PPP2R3A: variants seen among roughly 807,000 people sequenced by gnomAD.
PPP2R3A encodes serine/threonine-protein phosphatase 2A regulatory subunit B'' subunit alpha.
Under a neutral mutation model 106.9 loss-of-function variants are expected in PPP2R3A, and 80 were observed. The ratio of observed to expected loss-of-function variants is 0.75; its 90% CI spans 0.62 to 0.90. The LOEUF (loss-of-function observed/expected upper bound fraction) is 0.90. Ranked by LOEUF, PPP2R3A falls within the 40% of genes least tolerant of loss-of-function variation. The pLI is 0.00. For missense variants in PPP2R3A, 1,386 were observed against 1,350.4 expected (o/e 1.03, Z -0.41); for synonymous variants, 483 against 468.3 (o/e 1.03, Z -0.41).
intron 5 of PPP2R3A, among the ~76,000 whole-genome samples, chr3:136,053,544 T>C (rs1464134986): frequency 6.6e-6 from 1 of 152,134 alleles, no homozygotes; most frequent in East Asian, 1.9e-4. Flanking sequence ...TCACTGAAGG[T>C]CGGTATACAC....
At chr3:136,129,907 C>T (rs1186326538) in intron 13 of PPP2R3A, among the ~76,000 whole-genome samples, 1 of 152,190 alleles carries the variant, frequency 6.6e-6, no homozygotes, top group Non-Finnish European at 1.5e-5. Flanking sequence ...GAACCAATGA[C>T]AAAAACCACA....
At chr3:135,977,688 CTTTTTTTTT>C (rs66592538) in intron 1 of PPP2R3A, among the ~76,000 whole-genome samples, 4 of 61,098 alleles carry the variant, frequency 6.5e-5, no homozygotes, top group Non-Finnish European at 8.8e-5. Flanking sequence ...GATCAGCATT[CTTTTTTTTT>C]TTTTTTTTTT....
chr3:136,131,989 A>T (rs1295611690), intron 13 of PPP2R3A, among the ~76,000 whole-genome samples: 1 of 139,042 alleles, frequency 7.2e-6, no homozygotes, highest in Non-Finnish European at 1.5e-5. Flanking sequence ...AGGGCGGGGA[A>T]CATCACACAC....
intron 13 of PPP2R3A, among the ~76,000 whole-genome samples, chr3:136,127,552 C>A (rs1347324531): frequency 6.6e-6 from 1 of 152,054 alleles, no homozygotes; most frequent in African/African-American, 2.4e-5. Context: ...GTACCTGAAA[C>A]TGATGGGGAG....
chr3:136,052,640 TA>T (rs1935721760), intron 5 of PPP2R3A, among the ~76,000 whole-genome samples: 1 of 152,198 alleles, frequency 6.6e-6, no homozygotes, highest in Non-Finnish European at 1.5e-5. Flanking sequence ...AGAGCTTTAA[TA>T]AAAGCTTTGA....
chr3:135,994,158 T>C (rs1933289239), intron 1 of PPP2R3A, among the ~76,000 whole-genome samples: 1 of 152,204 alleles, frequency 6.6e-6, no homozygotes, highest in Non-Finnish European at 1.5e-5. Context: ...GTTTGTCAAT[T>C]AGTGGGCTTC....
At chr3:136,108,056 T>C (rs1559924880) in intron 13 of PPP2R3A, among the ~76,000 whole-genome samples, 1 of 152,074 alleles carries the variant, frequency 6.6e-6, no homozygotes, top group Non-Finnish European at 1.5e-5. Context: ...CTACAAAAAA[T>C]ACAAAAGTTA....
At chr3:136,047,583 TA>T (rs1309439802) in intron 4 of PPP2R3A, among the ~76,000 whole-genome samples, 2 of 152,138 alleles carry the variant, frequency 1.3e-5, no homozygotes, top group Non-Finnish European at 2.9e-5. Context: ...AAGTGGGAGC[TA>T]AACATCAAGT....
At chr3:135,986,989 T>A (rs575050707) in intron 1 of PPP2R3A, among the ~76,000 whole-genome samples, 1 of 152,314 alleles carries the variant, frequency 6.6e-6, no homozygotes, top group Non-Finnish European at 1.5e-5. Context: ...GTCAGACTTC[T>A]TCCCCCATAA....
At chr3:136,032,957 T>A (rs1487818183) in intron 3 of PPP2R3A, among the ~76,000 whole-genome samples, 3 of 152,210 alleles carry the variant, frequency 2.0e-5, no homozygotes, top group African/African-American at 7.2e-5. Flanking sequence ...TTGTTCCAGT[T>A]CTCAGAGGGA....
intron 6 of PPP2R3A, among the ~76,000 whole-genome samples, chr3:136,071,141 T>C (rs1368199074): frequency 1.3e-5 from 2 of 152,242 alleles, no homozygotes; most frequent in Admixed American, 6.5e-5. Context: ...CACTCTGCTC[T>C]AGCTCCCACA....
At chr3:135,985,670 C>T (rs1475848659) in intron 1 of PPP2R3A, among the ~76,000 whole-genome samples, 4 of 152,226 alleles carry the variant, frequency 2.6e-5, no homozygotes, top group Non-Finnish European at 5.9e-5. Flanking sequence ...AATGATGCAT[C>T]TCCAGATGTA....
chr3:136,082,434 G>A lies in PPP2R3A; in HGVS notation c.2788+13G>A, dbSNP rs369742233. 4.2e-5 allele frequency: 67 copies of A among 1,610,822 alleles called. No homozygotes were observed. The highest frequency in any genetic ancestry group is 5.5e-5 in the Non-Finnish European group (65 of 1,177,386). On this transcript the variant is annotated intron_variant, in intron 8 of 13. Coordinates refer to ENST00000264977, the MANE Select transcript of PPP2R3A (RefSeq NM_002718.5). The stretch of plus-strand genomic sequence containing the variant: ...TACAATGACCAGGGTAAGTGATTCT[G>A]TAGATGCTAAGACTTAACCATTTTA...
At chr3:136,088,643 CTGTTT>C (rs1354090501) in intron 9 of PPP2R3A, among the ~76,000 whole-genome samples, 1 of 152,136 alleles carries the variant, frequency 6.6e-6, no homozygotes, top group Admixed American at 6.5e-5. Flanking sequence ...AATGGTAGTT[CTGTTT>C]TAAGTTCTCT....
intron 13 of PPP2R3A, among the ~76,000 whole-genome samples, chr3:136,126,633 C>T (rs924216001): frequency 3.3e-5 from 5 of 152,204 alleles, no homozygotes; most frequent in African/African-American, 1.2e-4. Context: ...CTGAAGAGAG[C>T]AGTAGTTCTC....
chr3:136,078,440 G>C lies in PPP2R3A; in HGVS notation c.2618G>C (p.Ser873Thr). 1 of 1,592,324 alleles carries C rather than the reference G, an allele frequency of 6.3e-7. No individual in the cohort carries two copies. The change falls in exon 7 of 14, where the codon AGC (serine) becomes ACC (threonine). Residue 873 changes from serine (S) to threonine (T), a missense_variant. By Grantham distance (58) the Ser-to-Thr change is moderately conservative. Coordinates refer to ENST00000264977, the MANE Select transcript of PPP2R3A (RefSeq NM_002718.5). Reference protein sequence around the residue: ...GKITSTEIRKSNFLQTLALLE... With the variant: ...GKITSTEIRKTNFLQTLALLE... ...ATTACTTCGACAGAGATAAGAAAAA[G>C]CAACTTTTTGCAAGTATGCCTTTCA...
chr3:136,095,950 T>A (rs886951055), intron 10 of PPP2R3A, among the ~76,000 whole-genome samples: 62 of 152,188 alleles, frequency 4.1e-4, no homozygotes, highest in Non-Finnish European at 1.0e-4. Context: ...AAAAATTATT[T>A]AATACACCTA....
At position 135,995,786 on chromosome 3, in the gene PPP2R3A, T is replaced by A. The variant is rs559350770; in HGVS notation, c.-440-5273T>A. On this transcript the variant is annotated intron_variant, in intron 1 of 13. Coordinates refer to ENST00000264977, the MANE Select transcript of PPP2R3A (RefSeq NM_002718.5). ...CCACACCTGGCCTGATGGATATTTT[T>A]AACTATATATCACTCTTGTGCATAT... Among the ~76,000 whole-genome samples the A allele has an allele frequency of 5.5e-4, 84 of 152,296 alleles. 1 individual carries two copies. Among genetic ancestry groups the A allele is most frequent in the African/African-American group, 1.4e-3 (60 of 41,578 alleles).
At chr3:136,020,315 G>A (rs959177996) in intron 2 of PPP2R3A, among the ~76,000 whole-genome samples, 1 of 152,054 alleles carries the variant, frequency 6.6e-6, no homozygotes, top group East Asian at 1.9e-4. Context: ...TTATTCTGAT[G>A]TCTTTTGATA....
Sources: gnomAD v4.1 joint callset for allele counts (sites outside exome capture counted in the v4.1 genomes callset) on GRCh38, gnomAD v4.1.1 for gene constraint, MANE v1.5 for transcripts, NCBI Gene and HGNC (gene_info 2026-07-23, HGNC 2026-07-21) for gene names.